Variants in FBXL7 observed in about 807,000 individuals in gnomAD.
The protein encoded by FBXL7 is F-box/LRR-repeat protein 7.
In FBXL7, 12 loss-of-function variants were observed where a neutral mutation model predicts 38.3. The ratio of observed to expected loss-of-function variants is 0.31; its 90% CI spans 0.20 to 0.51. The LOEUF is 0.51. FBXL7 is among the 20% of genes least tolerant of loss of function. The pLI, the probability that FBXL7 is intolerant of heterozygous loss-of-function variation, is 0.98. For synonymous variants in FBXL7, 297 were observed against 300.9 expected (o/e 0.99, Z 0.13); for missense variants, 567 against 676.4 (o/e 0.84, Z 1.79).
chr5:15,872,747 T>G (rs1437064348), intron 2 of FBXL7, among the ~76,000 whole-genome samples: 1 of 152,054 alleles, frequency 6.6e-6, no homozygotes, highest in Non-Finnish European at 1.5e-5. Flanking sequence ...CTAAATATAT[T>G]TGCACCCAAT....
intron 2 of FBXL7, among the ~76,000 whole-genome samples, chr5:15,835,414 C>G (rs1738567432): frequency 6.6e-6 from 1 of 152,008 alleles, no homozygotes; most frequent in African/African-American, 2.4e-5. Context: ...CATTATTATG[C>G]AATTATAATA....
At chr5:15,664,624 A>G (rs1258934287) in intron 2 of FBXL7, among the ~76,000 whole-genome samples, 1 of 151,450 alleles carries the variant, frequency 6.6e-6, no homozygotes, top group African/African-American at 2.4e-5. Context: ...AGCAGGCGCC[A>G]CCATGCCTGG....
In FBXL7 at chr5:15,885,308, A is replaced by G. The variant is rs1258278953; in HGVS notation, c.128-42582A>G. 5.3e-5 allele frequency among the ~76,000 whole-genome samples: 8 copies of G among 152,326 alleles called. 1 individual carries two copies. The South Asian group carries it at 1.4e-3, about 28-fold the overall frequency. ...CTTGCTTCATCAGAGTGAGCAAGTG[A>G]GAGGGCGAGAGAGAGGATGAAACCA... is the stretch of plus-strand genomic sequence containing the variant. On this transcript the variant is annotated intron_variant, in intron 2 of 3. Transcript: ENST00000504595.
At chr5:15,514,874 A>T (rs1227254005) in intron 1 of FBXL7, among the ~76,000 whole-genome samples, 1 of 152,178 alleles carries the variant, frequency 6.6e-6, no homozygotes, top group Non-Finnish European at 1.5e-5. Flanking sequence ...GCAGGGGTAC[A>T]ATTTGGGACA....
At chr5:15,753,662 A>G (rs1736212802) in intron 2 of FBXL7, among the ~76,000 whole-genome samples, 1 of 152,226 alleles carries the variant, frequency 6.6e-6, no homozygotes, top group Admixed American at 6.5e-5. Flanking sequence ...ATTGAAAAAT[A>G]TTATTCAGAC....
At chr5:15,639,549 G>C (rs899657318) in intron 2 of FBXL7, among the ~76,000 whole-genome samples, 3 of 151,884 alleles carry the variant, frequency 2.0e-5, no homozygotes, top group Non-Finnish European at 2.9e-5. Context: ...CCCCAGCCAC[G>C]TGGAACTGTG....
At chr5:15,635,344 A>ATT (rs1388282602) in intron 2 of FBXL7, among the ~76,000 whole-genome samples, 1 of 152,114 alleles carries the variant, frequency 6.6e-6, no homozygotes, top group Admixed American at 6.6e-5. Context: ...CAGACCCTAT[A>ATT]TATGGTTGCT....
chr5:15,898,412 C>T (rs956887616), intron 2 of FBXL7, among the ~76,000 whole-genome samples: 30 of 152,210 alleles, frequency 2.0e-4, no homozygotes, highest in African/African-American at 7.0e-4. Flanking sequence ...CAGCCAACCA[C>T]GAGACTGATT....
intron 1 of FBXL7, among the ~76,000 whole-genome samples, chr5:15,512,991 A>G (rs1292933076): frequency 6.6e-6 from 1 of 152,236 alleles, no homozygotes. Context: ...TTAGATTCAT[A>G]CTAATCAAAT....
intron 2 of FBXL7, among the ~76,000 whole-genome samples, chr5:15,746,453 T>C (rs988282637): frequency 6.6e-6 from 1 of 152,092 alleles, no homozygotes; most frequent in African/African-American, 2.4e-5. Flanking sequence ...GGCTGAGAAG[T>C]CCAAGATCAA....
chr5:15,776,452 C>A (rs74535679), intron 2 of FBXL7, among the ~76,000 whole-genome samples: 1 of 152,014 alleles, frequency 6.6e-6, no homozygotes, highest in Non-Finnish European at 1.5e-5. Context: ...GGAAAAAAAA[C>A]ATGATCTGGG....
At chr5:15,802,864 G>A (rs1185944609) in intron 2 of FBXL7, among the ~76,000 whole-genome samples, 2 of 152,110 alleles carry the variant, frequency 1.3e-5, no homozygotes, top group African/African-American at 4.8e-5. Flanking sequence ...TGTTGGCCAG[G>A]CTGGTTTCAA....
Position 15,500,186 on chromosome 5 carries a change from T to C in FBXL7, c.-491T>C, listed in dbSNP as rs1736449026. On this transcript the variant is annotated 5_prime_UTR_variant, in exon 1 of 4. Coordinates refer to ENST00000504595, the MANE Select transcript of FBXL7 (RefSeq NM_012304.5). ...CGGCCCGCGGGCGAGCTGCGCCGGGTCGCTAGTCTTCACTCGCTCCGGGGA... is the reference window on the plus strand; with the variant it reads ...CGGCCCGCGGGCGAGCTGCGCCGGGCCGCTAGTCTTCACTCGCTCCGGGGA... 2 of 151,388 alleles carry C rather than the reference T, an allele frequency of 1.3e-5. No individual in the cohort carries two copies. The highest frequency in any genetic ancestry group is 2.9e-5 in the Non-Finnish European group (2 of 67,830). The allele number at this position is 151,388 out of a possible 1,614,324, so 9.4% of individuals were successfully genotyped here.
intron 1 of FBXL7, among the ~76,000 whole-genome samples, chr5:15,510,050 G>T (rs1482112998): frequency 2.0e-5 from 3 of 152,206 alleles, no homozygotes; most frequent in Non-Finnish European, 4.4e-5. Context: ...TTCTGGAACT[G>T]CAAATCTCTA....
chr5:15,516,266 T>C (rs987836751), intron 1 of FBXL7, among the ~76,000 whole-genome samples: 2 of 152,344 alleles, frequency 1.3e-5, no homozygotes, highest in African/African-American at 4.8e-5. Context: ...CTTGGAATAT[T>C]CTTCCCATGT....
chr5:15,841,315 TAGC>T (rs1738741310), intron 2 of FBXL7, among the ~76,000 whole-genome samples: 1 of 152,228 alleles, frequency 6.6e-6, no homozygotes, highest in South Asian at 2.1e-4. Context: ...TGACCTATGT[TAGC>T]AGTTGGGAAT....
At chr5:15,798,027 G>C (rs904288507) in intron 2 of FBXL7, among the ~76,000 whole-genome samples, 2 of 152,154 alleles carry the variant, frequency 1.3e-5, no homozygotes, top group Non-Finnish European at 2.9e-5. Flanking sequence ...TGACAGAAGA[G>C]AGGTAGCAAA....
At chr5:15,777,535 T>C (rs572768405) in intron 2 of FBXL7, among the ~76,000 whole-genome samples, 1 of 151,982 alleles carries the variant, frequency 6.6e-6, no homozygotes, top group South Asian at 2.1e-4. Flanking sequence ...TATGTTCAAA[T>C]CTTCCTGTTA....
chr5:15,812,468 C>T (rs928342468), intron 2 of FBXL7, among the ~76,000 whole-genome samples: 12 of 152,048 alleles, frequency 7.9e-5, no homozygotes, highest in Admixed American at 3.3e-4. Context: ...AACGAACCTG[C>T]GCATTCTGCA....
Sources: gnomAD v4.1 joint callset for allele counts (sites outside exome capture counted in the v4.1 genomes callset) on GRCh38, gnomAD v4.1.1 for gene constraint, MANE v1.5 for transcripts, NCBI Gene and HGNC (gene_info 2026-07-23, HGNC 2026-07-21) for gene names.